MAP2K4: variants seen among roughly 807,000 people sequenced by gnomAD.
MAP2K4 encodes mitogen-activated protein kinase kinase 4, also known as dual specificity mitogen-activated protein kinase kinase 4.
A neutral mutation model predicts 48.5 loss-of-function variants in MAP2K4; 4 were observed. The observed-to-expected ratio is 0.08, with a 90% CI of 0.04 to 0.19. MAP2K4 has a LOEUF of 0.19. Among genes scored for constraint, MAP2K4 ranks in the 10% least tolerant of loss-of-function variants. MAP2K4 has a pLI of 1.00. For synonymous variants in MAP2K4, 166 were observed against 173.1 expected (o/e 0.96, Z 0.32); for missense variants, 258 against 493.3 (o/e 0.52, Z 4.52).
intron 1 of MAP2K4, chr17:12,021,602 C>G (rs1969060498): frequency 1.5e-5 from 2 of 131,914 alleles, no homozygotes; most frequent in South Asian, 2.4e-4. Flanking sequence ...GGTTTCTGTG[C>G]GCTGGAAGGG....
chr17:12,051,845 T>G (rs1255487635), intron 1 of MAP2K4, among the ~76,000 whole-genome samples: 1 of 151,502 alleles, frequency 6.6e-6, no homozygotes, highest in Non-Finnish European at 1.5e-5. Flanking sequence ...GAAAAAGAAG[T>G]AAAGGAGAGA....
intron 2 of MAP2K4, among the ~76,000 whole-genome samples, chr17:12,060,051 G>A (rs1049228188): frequency 3.3e-5 from 5 of 151,928 alleles, no homozygotes; most frequent in Non-Finnish European, 5.9e-5. Context: ...GATGGTGTGC[G>A]CCTGTGGTCC....
intron 1 of MAP2K4, among the ~76,000 whole-genome samples, chr17:12,027,362 G>A (rs1484716453): frequency 2.0e-5 from 3 of 151,964 alleles, no homozygotes; most frequent in African/African-American, 7.3e-5. Flanking sequence ...GGAGAAAGAG[G>A]ATTAAAATGG....
intron 1 of MAP2K4, among the ~76,000 whole-genome samples, chr17:12,047,281 G>A (rs902748643): frequency 1.3e-5 from 2 of 152,070 alleles, no homozygotes; most frequent in African/African-American, 2.4e-5. Context: ...TTAGGACTTG[G>A]CCATCATAAA....
intron 2 of MAP2K4, among the ~76,000 whole-genome samples, chr17:12,067,245 A>G (rs1454249941): frequency 6.6e-6 from 1 of 152,250 alleles, no homozygotes; most frequent in Non-Finnish European, 1.5e-5. Context: ...AATGTTTTAG[A>G]GAACAACTTT....
At chr17:12,043,074 C>T (rs1019151431) in intron 1 of MAP2K4, among the ~76,000 whole-genome samples, 4 of 152,016 alleles carry the variant, frequency 2.6e-5, no homozygotes. Context: ...TTCTTGAAGT[C>T]AGGAGTCTGC....
In MAP2K4 at chr17:12,081,274, T is replaced by TC. The variant is rs1426839687; in HGVS notation, c.219-79dup. The TC allele has an allele frequency of 1.1e-5, 12 of 1,069,676 alleles. No individual in the cohort carries two copies. In the Admixed American group the frequency reaches 2.8e-4, roughly 25 times the overall value. The allele number at this position is 1,069,676 out of a possible 1,614,324, so 66.3% of individuals were successfully genotyped here. A position where few individuals can be genotyped will look rare whatever the true frequency, so the allele number is the denominator to read the frequency against. On this transcript the variant is annotated intron_variant, in intron 2 of 10. Transcript: ENST00000353533. This position sits in a 1 kb window ranked among gnomAD's most constrained non-coding sequence, Gnocchi z 4.2. ...ATTTTAGTAATTTAGAAAACATTTT[T>TC]CCCACACATTAATCAGTACTAAAAG...
chr17:12,139,783 A>G, intron 9 of MAP2K4, 56 bp from the exon 10 acceptor site: 4 of 1,271,222 alleles, frequency 3.1e-6, no homozygotes, highest in Non-Finnish European at 4.5e-6. Context: ...GTGAAAAGAA[A>G]AATACTTAGG....
intron 1 of MAP2K4, among the ~76,000 whole-genome samples, chr17:12,054,426 C>G (rs1044987087): frequency 6.6e-6 from 1 of 152,040 alleles, no homozygotes; most frequent in East Asian, 1.9e-4. Flanking sequence ...GAAGTTTACT[C>G]TACCGTAATG....
chr17:12,133,279 A>G (rs2151593621), intron 9 of MAP2K4, among the ~76,000 whole-genome samples: 1 of 152,186 alleles, frequency 6.6e-6, no homozygotes, highest in Non-Finnish European at 1.5e-5. Context: ...ATGGGGTTTC[A>G]CCACACTGGC....
At chr17:12,132,631 C>T (rs1232820351) in intron 9 of MAP2K4, among the ~76,000 whole-genome samples, 1 of 151,474 alleles carries the variant, frequency 6.6e-6, no homozygotes, top group African/African-American at 2.4e-5. Flanking sequence ...AAGGATAAGA[C>T]TTAATGGTTC....
chr17:12,049,197 A>G (rs1597411847), intron 1 of MAP2K4, among the ~76,000 whole-genome samples: 1 of 152,236 alleles, frequency 6.6e-6, no homozygotes, highest in African/African-American at 2.4e-5. Flanking sequence ...GGTAGTAACA[A>G]TGAGAGCCAA....
At chr17:12,069,950 T>TATGC (rs1970746840) in intron 2 of MAP2K4, 3 of 91,854 alleles carry the variant, frequency 3.3e-5, no homozygotes, top group Non-Finnish European at 5.6e-5. Flanking sequence ...TATATATATA[T>TATGC]ATGCATGCTG....
intron 1 of MAP2K4, among the ~76,000 whole-genome samples, chr17:12,050,218 G>A (rs187561442): frequency 2.6e-5 from 4 of 152,160 alleles, no homozygotes; most frequent in Admixed American, 2.6e-4. Context: ...GGCGGCAGGG[G>A]GCAGGGGGCA....
chr17:12,103,475 A>T lies in MAP2K4; in HGVS notation c.514-4315A>T, dbSNP rs549717114. Among the ~76,000 whole-genome samples, 3 of 152,040 alleles carry T rather than the reference A, an allele frequency of 2.0e-5. No homozygotes were observed. In the South Asian group the frequency reaches 6.2e-4, roughly 32 times the overall value. ...ATTTGCTTTTTTTGTTTGTTTCTTA[A>T]GGTGGTCCATGTTCCTTTTAAACTG... On this transcript the variant is annotated intron_variant, in intron 4 of 10. Coordinates refer to ENST00000353533, the MANE Select transcript of MAP2K4 (RefSeq NM_003010.4).
At chr17:12,111,836 A>ATGACTAGGGTTCAAGT (rs11273576) in intron 6 of MAP2K4, among the ~76,000 whole-genome samples, 2 of 151,978 alleles carry the variant, frequency 1.3e-5, no homozygotes, top group Non-Finnish European at 2.9e-5. Context: ...AAAGCACAAT[A>ATGACTAGGGTTCAAGT]TGCTCCTCTT....
intron 4 of MAP2K4, among the ~76,000 whole-genome samples, chr17:12,105,951 T>A (rs754750055): frequency 1.3e-5 from 2 of 152,128 alleles, no homozygotes; most frequent in Admixed American, 6.6e-5. Context: ...CCAGGCACTT[T>A]AGTTTGTGCT....
chr17:12,065,623 A>G (rs1359072125), intron 2 of MAP2K4, among the ~76,000 whole-genome samples: 2 of 151,910 alleles, frequency 1.3e-5, no homozygotes, highest in Non-Finnish European at 1.5e-5. Context: ...TTTAGTAGAG[A>G]TGGGGTTTCG....
At chr17:12,091,509 C>A (rs1256593907) in intron 3 of MAP2K4, among the ~76,000 whole-genome samples, 1 of 152,174 alleles carries the variant, frequency 6.6e-6, no homozygotes, top group African/African-American at 2.4e-5. Flanking sequence ...GTGGCTGATC[C>A]AACCAATGGC....
Sources: gnomAD v4.1 joint callset for allele counts (sites outside exome capture counted in the v4.1 genomes callset) on GRCh38, gnomAD v4.1.1 for gene constraint, Gnocchi (gnomAD v3.1) non-coding constraint, MANE v1.5 for transcripts, NCBI Gene and HGNC (gene_info 2026-07-23, HGNC 2026-07-21) for gene names.